Variants in WDR41 observed in about 807,000 individuals in gnomAD.
WDR41 encodes WD repeat domain 41.
In WDR41, 63 loss-of-function variants were observed where a neutral mutation model predicts 69.3. The observed-to-expected ratio is 0.91, with a 90% CI of 0.74 to 1.12. WDR41 has a LOEUF of 1.12. Among genes scored for constraint, WDR41 ranks in the 50% most tolerant of loss-of-function variants. WDR41 has a pLI of 0.00. For synonymous variants in WDR41, 185 were observed against 192.1 expected, an observed-to-expected ratio of 0.96 and a Z score of 0.31; for missense variants, 543 against 534.5, an observed-to-expected ratio of 1.02 and a Z score of -0.16.
chr5:77,547,527 CA>C (rs370772709), intron 1 of WDR41, among the ~76,000 whole-genome samples: 121 of 120,792 alleles, frequency 1.0e-3, no homozygotes, highest in Middle Eastern at 4.2e-3. Context: ...ACAGTAGCTA[CA>C]AAAAAAAAAA....
intron 11 of WDR41, among the ~76,000 whole-genome samples, chr5:77,436,899 A>G (rs1561724833): frequency 2.6e-5 from 4 of 152,222 alleles, no homozygotes; most frequent in African/African-American, 9.6e-5. Flanking sequence ...AAACACCTGG[A>G]AGTCAAGAGC....
At chr5:77,500,903 A>C (rs568593739) in intron 1 of WDR41, among the ~76,000 whole-genome samples, 1 of 152,324 alleles carries the variant, frequency 6.6e-6, no homozygotes, top group African/African-American at 2.4e-5. Flanking sequence ...ATATTTCAGG[A>C]GGTTCCAAGA....
intron 1 of WDR41, among the ~76,000 whole-genome samples, chr5:77,609,025 C>T (rs1744486172): frequency 6.6e-6 from 1 of 152,160 alleles, no homozygotes; most frequent in African/African-American, 2.4e-5. Context: ...CTCGGAGGGT[C>T]CTATGCCCAC....
chr5:77,448,241 G>A (rs1581703401), intron 8 of WDR41, among the ~76,000 whole-genome samples: 1 of 152,284 alleles, frequency 6.6e-6, no homozygotes, highest in East Asian at 1.9e-4. Flanking sequence ...TTAAGACTCA[G>A]TGTCACCAAT....
chr5:77,535,231 C>T (rs556914088), intron 1 of WDR41, among the ~76,000 whole-genome samples: 1 of 152,244 alleles, frequency 6.6e-6, no homozygotes, highest in East Asian at 1.9e-4. Context: ...AGAACTGTAG[C>T]TCTTAATTGT....
At position 77,562,730 on chromosome 5, in the gene WDR41, A is replaced by G. The variant is rs2112260183; in HGVS notation, c.42+57749T>C. On this transcript the variant is annotated intron_variant, in intron 1 of 5. Transcript: ENST00000509971. Reference sequence around the variant, plus strand: ...AAAGGGTATTCCATACATGCAGCAAAACAAAAACAAATACAGGTAAATTTT... The same window carrying G: ...AAAGGGTATTCCATACATGCAGCAAGACAAAAACAAATACAGGTAAATTTT... Among the ~76,000 whole-genome samples, 2 of 152,336 alleles carry G rather than the reference A, an allele frequency of 1.3e-5. 1 individual carries two copies.
At chr5:77,523,730 C>T (rs889829361) in intron 1 of WDR41, among the ~76,000 whole-genome samples, 1 of 152,044 alleles carries the variant, frequency 6.6e-6, no homozygotes, top group South Asian at 2.1e-4. Flanking sequence ...ACACCCATAA[C>T]CATGCCGAAA....
chr5:77,521,318 G>A (rs759081493), intron 1 of WDR41, among the ~76,000 whole-genome samples: 1 of 152,268 alleles, frequency 6.6e-6, no homozygotes, highest in African/African-American at 2.4e-5. Flanking sequence ...TGCCGAGGCT[G>A]ATCTGACAGG....
At chr5:77,523,856 A>G (rs1802408842) in intron 1 of WDR41, among the ~76,000 whole-genome samples, 1 of 152,230 alleles carries the variant, frequency 6.6e-6, no homozygotes, top group African/African-American at 2.4e-5. Flanking sequence ...AAAGCTAAGA[A>G]AATGAGAAAG....
chr5:77,517,158 A>G (rs1397586418), intron 1 of WDR41, among the ~76,000 whole-genome samples: 1 of 152,210 alleles, frequency 6.6e-6, no homozygotes, highest in Non-Finnish European at 1.5e-5. Context: ...AAACTAGGGA[A>G]GGTAACCTCT....
rs200449985 is a variant in WDR41, at chr5:77,444,537, C to CA, written c.698-3541dup. Among the ~76,000 whole-genome samples the CA allele has an allele frequency of 3.6e-3, 542 of 152,382 alleles. 3 individuals carry two copies. The highest frequency in any genetic ancestry group is 0.012 in the African/African-American group (503 of 41,598). The stretch of plus-strand genomic sequence containing the variant: ...TAGCAAATCTGGTATTCATTATCCA[C>CA]ACTTGTTGGTATTCTCTCATACAAT... On this transcript the variant is annotated intron_variant, in intron 8 of 12. Transcript: ENST00000296679.
chr5:77,531,581 G>T (rs1296795987), intron 1 of WDR41, among the ~76,000 whole-genome samples: 1 of 151,860 alleles, frequency 6.6e-6, no homozygotes, highest in South Asian at 2.1e-4. Context: ...GAAAACAGTT[G>T]GTGGTTCCTT....
intron 7 of WDR41, 102 bp from the exon 8 acceptor site, chr5:77,449,972 C>A: frequency 2.6e-6 from 2 of 771,912 alleles, no homozygotes; most frequent in Non-Finnish European, 4.2e-6. Context: ...AAAATACCTA[C>A]CATACTGAAA....
In WDR41 at chr5:77,451,021, T is replaced by C. The variant is rs74874243; in HGVS notation, c.586+270A>G. The stretch of plus-strand genomic sequence containing the variant: ...ATGGGAAATTCTACTTTAGTTGGAA[T>C]ATTATGAAGTGATCTTGAGACTGGA... On this transcript the variant is annotated intron_variant, in intron 7 of 12. Transcript: ENST00000296679. 6.8e-3 allele frequency among the ~76,000 whole-genome samples: 1,038 copies of C among 152,306 alleles called. 6 individuals are homozygous for C. Among genetic ancestry groups the C allele is most frequent in the Non-Finnish European group, 0.012 (796 of 68,012 alleles).
chr5:77,434,122 G>C (rs1482003963), intron 12 of WDR41, among the ~76,000 whole-genome samples: 1 of 152,156 alleles, frequency 6.6e-6, no homozygotes, highest in Non-Finnish European at 1.5e-5. Flanking sequence ...CTGAGGTCAG[G>C]AGTTTAAGGC....
chr5:77,594,305 AC>A (rs1470799893), intron 1 of WDR41, among the ~76,000 whole-genome samples: 3 of 151,248 alleles, frequency 2.0e-5, no homozygotes, highest in Non-Finnish European at 1.5e-5. Context: ...TAGGAGATAT[AC>A]CTAATGTAAA....
intron 7 of WDR41, among the ~76,000 whole-genome samples, chr5:77,450,373 A>T (rs559749288): frequency 1.3e-5 from 2 of 152,304 alleles, no homozygotes; most frequent in African/African-American, 4.8e-5. Flanking sequence ...TTAAATTATA[A>T]ATTCTCTGAG....
chr5:77,578,864 C>CAAAAAAAAAAA (rs55920763), intron 1 of WDR41, among the ~76,000 whole-genome samples: 2 of 77,170 alleles, frequency 2.6e-5, no homozygotes, highest in Non-Finnish European at 2.6e-5. Flanking sequence ...AACTCCATCT[C>CAAAAAAAAAAA]AAAAAAAAAA....
chr5:77,442,437 T>G (rs1191901997), intron 8 of WDR41, among the ~76,000 whole-genome samples: 1 of 152,164 alleles, frequency 6.6e-6, no homozygotes, highest in African/African-American at 2.4e-5. Context: ...AATACACATG[T>G]ACACACATAC....
Sources: allele counts gnomAD v4.1 joint callset (sites outside exome capture counted in the v4.1 genomes callset), GRCh38; gene constraint gnomAD v4.1.1; transcripts MANE v1.5; gene names NCBI Gene and HGNC (gene_info 2026-07-23, HGNC 2026-07-21).